Variants in GIPC2 observed in about 807,000 individuals in gnomAD.
The protein encoded by GIPC2 is GIPC PDZ domain containing family member 2.
Under a neutral mutation model 30.6 loss-of-function variants are expected in GIPC2, and 30 were observed. The ratio of observed to expected loss-of-function variants is 0.98; its 90% CI spans 0.73 to 1.33. The LOEUF (loss-of-function observed/expected upper bound fraction) is 1.33. GIPC2 is among the 40% of genes most tolerant of loss of function. The pLI is 0.00. For synonymous variants in GIPC2, 167 were observed against 150.0 expected (o/e 1.11, Z -0.83); for missense variants, 414 against 390.3 (o/e 1.06, Z -0.51).
intron 2 of GIPC2, among the ~76,000 whole-genome samples, chr1:78,087,921 C>A (rs1270562334): frequency 6.6e-6 from 1 of 151,916 alleles, no homozygotes; most frequent in African/African-American, 2.4e-5. Context: ...AAAAAGACAA[C>A]TCCATTAAAA....
At chr1:78,046,702 C>T (rs1423886470) in intron 1 of GIPC2, among the ~76,000 whole-genome samples, 1 of 152,154 alleles carries the variant, frequency 6.6e-6, no homozygotes, top group Admixed American at 6.5e-5. Context: ...AGATTAATAC[C>T]CTCCACTTCA....
intron 3 of GIPC2, among the ~76,000 whole-genome samples, chr1:78,098,370 C>A (rs1275101038): frequency 1.3e-5 from 2 of 152,086 alleles, no homozygotes; most frequent in East Asian, 1.9e-4. Flanking sequence ...ACTATACTTA[C>A]CAATTTTGAC....
chr1:78,133,790 ATG>A (rs1662949943), intron 5 of GIPC2, among the ~76,000 whole-genome samples: 1 of 138,048 alleles, frequency 7.2e-6, no homozygotes, highest in African/African-American at 2.7e-5. Flanking sequence ...GTGTGTGTGT[ATG>A]TATGTATTAT....
intron 1 of GIPC2, among the ~76,000 whole-genome samples, chr1:78,063,493 A>C (rs1280406410): frequency 2.8e-5 from 4 of 142,264 alleles, no homozygotes; most frequent in African/African-American, 1.1e-4. Flanking sequence ...ACTCCATCTC[A>C]AAAAAACAAA....
At chr1:78,080,138 T>TA (rs1202427547) in intron 1 of GIPC2, among the ~76,000 whole-genome samples, 1 of 152,196 alleles carries the variant, frequency 6.6e-6, no homozygotes, top group Non-Finnish European at 1.5e-5. Flanking sequence ...TGTCTATATT[T>TA]AAAAATGTAT....
At position 78,131,998 on chromosome 1, in the gene GIPC2, A is replaced by G. The variant is rs535714414; in HGVS notation, c.797-3594A>G. ...AGATACCATATCTTGCTCAGTTTTA[A>G]TCCCAGCTCTTACCACAGTACCTCT... On this transcript the variant is annotated intron_variant, in intron 5 of 5. Transcript: ENST00000370759. Among the ~76,000 whole-genome samples, 10 of 152,316 alleles carry G rather than the reference A, an allele frequency of 6.6e-5. No individual in the cohort carries two copies. The South Asian group carries it at 1.0e-3, about 16-fold the overall frequency.
chr1:78,071,562 T>C (rs1479615332), intron 1 of GIPC2, among the ~76,000 whole-genome samples: 1 of 151,424 alleles, frequency 6.6e-6, no homozygotes, highest in African/African-American at 2.4e-5. Flanking sequence ...TTCTTCTTTT[T>C]TCTTCTTCTT....
intron 1 of GIPC2, among the ~76,000 whole-genome samples, chr1:78,069,635 G>A (rs892494975): frequency 6.6e-6 from 1 of 151,756 alleles, no homozygotes; most frequent in African/African-American, 2.4e-5. Context: ...CACCACACCT[G>A]GCTAATTTTT....
rs200346025 is a variant in GIPC2, at chr1:78,134,382, G to A, written c.797-1210G>A. Among the ~76,000 whole-genome samples the A allele has an allele frequency of 9.0e-4, 136 of 151,674 alleles. 1 individual carries two copies. The highest frequency in any genetic ancestry group is 3.2e-3 in the African/African-American group (131 of 41,354). ...TGTGTGTATGTATGTGTGTGTGTAT[G>A]TATGTGATCCATCTCCATATGTGTA... is the stretch of plus-strand genomic sequence containing the variant. On this transcript the variant is annotated intron_variant, in intron 5 of 5. Coordinates refer to ENST00000370759, the MANE Select transcript of GIPC2 (RefSeq NM_017655.6).
At chr1:78,060,440 C>T (rs537900712) in intron 1 of GIPC2, among the ~76,000 whole-genome samples, 27 of 152,212 alleles carry the variant, frequency 1.8e-4, no homozygotes, top group African/African-American at 3.6e-4. Flanking sequence ...CCACTGCAGC[C>T]GACCGACCCT....
chr1:78,096,962 G>A (rs1467776489), intron 3 of GIPC2, among the ~76,000 whole-genome samples: 3 of 152,168 alleles, frequency 2.0e-5, no homozygotes, highest in African/African-American at 2.4e-5. Context: ...GGGCCCTAGT[G>A]TGAGGGGTTT....
chr1:78,077,069 T>C (rs501935), intron 1 of GIPC2, among the ~76,000 whole-genome samples: 34,220 of 152,034 alleles, frequency 0.23, 4,181 homozygotes, highest in East Asian at 0.49. Flanking sequence ...TGTGAGTCAC[T>C]GCGCCCAGCC....
chr1:78,086,866 C>T (rs902229979), intron 2 of GIPC2, among the ~76,000 whole-genome samples: 38 of 151,992 alleles, frequency 2.5e-4, no homozygotes, highest in African/African-American at 7.2e-4. Context: ...GACAGCATAC[C>T]GTTGGGTCTT....
At chr1:78,100,615 CT>C (rs1662224114) in intron 3 of GIPC2, among the ~76,000 whole-genome samples, 1 of 152,024 alleles carries the variant, frequency 6.6e-6, no homozygotes, top group Non-Finnish European at 1.5e-5. Context: ...AATTTGAAAT[CT>C]GTGGAACGAT....
At chr1:78,054,817 A>G (rs1661256669) in intron 1 of GIPC2, among the ~76,000 whole-genome samples, 2 of 152,162 alleles carry the variant, frequency 1.3e-5, no homozygotes, top group African/African-American at 4.8e-5. Flanking sequence ...CTGTTGTGCT[A>G]GAAGTACCCT....
intron 5 of GIPC2, among the ~76,000 whole-genome samples, chr1:78,128,196 T>A (rs961628090): frequency 3.3e-5 from 5 of 152,354 alleles, no homozygotes; most frequent in African/African-American, 1.2e-4. Context: ...TGGCTAATTT[T>A]TTTAATTTTA....
chr1:78,056,280 C>T (rs988423392), intron 1 of GIPC2, among the ~76,000 whole-genome samples: 8 of 151,998 alleles, frequency 5.3e-5, no homozygotes, highest in African/African-American at 1.9e-4. Context: ...AGTTCTTGAC[C>T]ACCTGGGCAA....
intron 1 of GIPC2, chr1:78,069,017 G>A (rs1661570629): frequency 7.3e-6 from 7 of 956,924 alleles, no homozygotes; most frequent in South Asian, 9.6e-5. Context: ...CCCTAGCACC[G>A]GGAGTCTTGC....
chr1:78,135,106 A>C (rs754561510), intron 5 of GIPC2, among the ~76,000 whole-genome samples: 1 of 152,214 alleles, frequency 6.6e-6, no homozygotes. Context: ...TGACTGCTCC[A>C]GTGCAAGCTG....
Sources: gnomAD v4.1 joint callset for allele counts (sites outside exome capture counted in the v4.1 genomes callset) on GRCh38, gnomAD v4.1.1 for gene constraint, MANE v1.5 for transcripts, NCBI Gene and HGNC (gene_info 2026-07-23, HGNC 2026-07-21) for gene names.